CFAP20DC: variants seen among roughly 807,000 people sequenced by gnomAD.
CFAP20DC encodes the protein protein CFAP20DC.
CFAP20DC carries 84 observed loss-of-function variants against 101.7 expected under a neutral mutation model. The observed-to-expected ratio is 0.83, with a 90% CI of 0.69 to 0.99. The LOEUF (loss-of-function observed/expected upper bound fraction) is 0.99. Ranked by LOEUF, CFAP20DC falls within the 50% of genes least tolerant of loss-of-function variation. The pLI is 0.00. For missense variants in CFAP20DC, 1,007 were observed against 970.3 expected (o/e 1.04, Z -0.50); for synonymous variants, 359 against 351.2 (o/e 1.02, Z -0.25).
intron 15 of CFAP20DC, among the ~76,000 whole-genome samples, chr3:58,801,325 G>A (rs962569888): frequency 6.6e-6 from 1 of 152,104 alleles, no homozygotes; most frequent in African/African-American, 2.4e-5. Flanking sequence ...AAATCATTAC[G>A]ATTTAGTGCA....
At chr3:58,849,829 C>G (rs2078065151) in intron 12 of CFAP20DC, among the ~76,000 whole-genome samples, 1 of 152,156 alleles carries the variant, frequency 6.6e-6, no homozygotes, top group African/African-American at 2.4e-5. Flanking sequence ...ATTTAGCCTA[C>G]TTAAGCAGAG....
intron 14 of CFAP20DC, among the ~76,000 whole-genome samples, chr3:58,817,747 C>T (rs1403412281): frequency 6.6e-6 from 1 of 151,882 alleles, no homozygotes; most frequent in Non-Finnish European, 1.5e-5. Flanking sequence ...CTTCCCCAAT[C>T]TAGAAAGGCA....
intron 4 of CFAP20DC, among the ~76,000 whole-genome samples, chr3:59,035,131 T>A (rs1216377226): frequency 1.3e-5 from 2 of 152,150 alleles, no homozygotes; most frequent in Non-Finnish European, 2.9e-5. Flanking sequence ...ATAAATAAGT[T>A]CTTTGAAACC....
intron 4 of CFAP20DC, among the ~76,000 whole-genome samples, chr3:58,979,431 G>T (rs1462444034): frequency 3.3e-5 from 5 of 152,160 alleles, no homozygotes; most frequent in African/African-American, 1.2e-4. Context: ...CTGTTACTAA[G>T]TTTTATTCAT....
chr3:58,890,985 C>T (rs1424989165), intron 6 of CFAP20DC, among the ~76,000 whole-genome samples: 8 of 146,216 alleles, frequency 5.5e-5, no homozygotes, highest in African/African-American at 1.0e-4. Flanking sequence ...AGACGATGGG[C>T]GGCCAGGCAG....
chr3:58,868,168 C>T lies in CFAP20DC; in HGVS notation c.1016-232G>A. ...GAAACACTTTATTCATGTAATATAA[C>T]CTTATAGAGGGCTAAAGTAATTTGA... On this transcript the variant is annotated intron_variant, in intron 9 of 16. Coordinates refer to ENST00000482387, the MANE Select transcript of CFAP20DC (RefSeq NM_001394063.1). This position sits in a 1 kb window ranked among gnomAD's most constrained non-coding sequence, Gnocchi z 4.6. Among the ~76,000 whole-genome samples the T allele has an allele frequency of 6.6e-6, 1 of 152,072 alleles. No individual in the cohort carries two copies. Among genetic ancestry groups the T allele is most frequent in the East Asian group, 1.9e-4 (1 of 5,196 alleles).
chr3:59,010,726 A>G (rs1559986488), intron 4 of CFAP20DC, among the ~76,000 whole-genome samples: 1 of 152,236 alleles, frequency 6.6e-6, no homozygotes, highest in Admixed American at 6.5e-5. Context: ...AGATATTTAC[A>G]GAACATTTTA....
At chr3:58,854,126 C>G (rs200005540) in intron 12 of CFAP20DC, among the ~76,000 whole-genome samples, 1 of 152,192 alleles carries the variant, frequency 6.6e-6, no homozygotes, top group African/African-American at 2.4e-5. Flanking sequence ...TGATGAACAA[C>G]TTCAGCAAAG....
intron 4 of CFAP20DC, among the ~76,000 whole-genome samples, chr3:58,989,583 T>C (rs2092868204): frequency 6.6e-6 from 1 of 152,114 alleles, no homozygotes; most frequent in Non-Finnish European, 1.5e-5. Flanking sequence ...ATAAGTACAT[T>C]CCAAACAAAT....
intron 5 of CFAP20DC, among the ~76,000 whole-genome samples, chr3:58,926,315 G>A (rs1273533312): frequency 2.0e-5 from 3 of 151,612 alleles, no homozygotes; most frequent in Admixed American, 6.6e-5. Flanking sequence ...GCAGTGAGCC[G>A]AGATCATGCC....
At chr3:58,875,998 T>C (rs1482051555) in intron 7 of CFAP20DC, among the ~76,000 whole-genome samples, 2 of 152,214 alleles carry the variant, frequency 1.3e-5, no homozygotes, top group Non-Finnish European at 2.9e-5. Flanking sequence ...ACAGACATTC[T>C]ATATTTCATA....
chr3:58,930,745 T>C (rs2086529314), intron 5 of CFAP20DC, among the ~76,000 whole-genome samples: 1 of 152,172 alleles, frequency 6.6e-6, no homozygotes, highest in African/African-American at 2.4e-5. Context: ...CTTATAAAAG[T>C]GGTATAAAGT....
At chr3:58,872,346 A>G (rs1474364479) in intron 7 of CFAP20DC, among the ~76,000 whole-genome samples, 1 of 151,446 alleles carries the variant, frequency 6.6e-6, no homozygotes, top group Non-Finnish European at 1.5e-5. Flanking sequence ...TTTTACATGT[A>G]GGGGGATTAA....
At chr3:59,049,553 G>A in intron 1 of CFAP20DC, 58 bp downstream of exon 1, 3 of 1,468,554 alleles carry the variant, frequency 2.0e-6, no homozygotes, top group Non-Finnish European at 1.8e-6. Flanking sequence ...CCCGATCACG[G>A]ACTACCTCAC....
chr3:58,791,448 G>A (rs1170417053), intron 15 of CFAP20DC, among the ~76,000 whole-genome samples: 1 of 152,042 alleles, frequency 6.6e-6, no homozygotes, highest in African/African-American at 2.4e-5. Context: ...TGATTCTAGA[G>A]ACAGTTTTTT....
intron 4 of CFAP20DC, among the ~76,000 whole-genome samples, chr3:58,966,910 A>G (rs114079129): frequency 0.01 from 1,554 of 152,304 alleles, 29 homozygotes; most frequent in African/African-American, 0.035. Flanking sequence ...AGATGGCAAT[A>G]TTCCTACATT....
intron 7 of CFAP20DC, among the ~76,000 whole-genome samples, chr3:58,879,449 G>C (rs548171601): frequency 6.6e-6 from 1 of 152,262 alleles, no homozygotes; most frequent in South Asian, 2.1e-4. Context: ...TGGTAGTTCG[G>C]ATGATGATGA....
chr3:58,948,835 T>A (rs979892654), intron 4 of CFAP20DC, among the ~76,000 whole-genome samples: 3 of 152,236 alleles, frequency 2.0e-5, no homozygotes, highest in African/African-American at 7.2e-5. Flanking sequence ...CCTCTTTTTC[T>A]ATTGATTGGA....
At chr3:58,852,272 ATAGT>A (rs1351565991) in intron 12 of CFAP20DC, among the ~76,000 whole-genome samples, 1 of 152,052 alleles carries the variant, frequency 6.6e-6, no homozygotes, top group African/African-American at 2.4e-5. Context: ...TCTGCAGGTG[ATAGT>A]TAGAAGAGCT....
Sources: gnomAD v4.1 joint callset for allele counts (sites outside exome capture counted in the v4.1 genomes callset) on GRCh38, gnomAD v4.1.1 for gene constraint, Gnocchi (gnomAD v3.1) non-coding constraint, MANE v1.5 for transcripts, NCBI Gene and HGNC (gene_info 2026-07-23, HGNC 2026-07-21) for gene names.